REPS2: variants seen among roughly 807,000 people sequenced by gnomAD.
REPS2 encodes ralBP1-associated Eps domain-containing protein 2.
REPS2 carries 23 observed loss-of-function variants against 53.6 expected under a neutral mutation model. That is an observed-to-expected ratio of 0.43 (90% CI 0.31 to 0.61). REPS2 has a LOEUF of 0.61. Among genes scored for constraint, REPS2 ranks in the 20% least tolerant of loss-of-function variants. The probability of loss-of-function intolerance (pLI) is 0.11; values close to 1 mark genes in which losing one functional copy is unlikely to be tolerated. For synonymous variants in REPS2, 238 were observed against 218.6 expected (o/e 1.09, Z -0.78); for missense variants, 446 against 534.9 (o/e 0.83, Z 1.64).
At chrX:17,090,194 T>C (rs1439315630) in intron 13 of REPS2, among the ~76,000 whole-genome samples, 1 of 112,237 alleles carries the variant, frequency 8.9e-6, no homozygotes, top group Admixed American at 9.5e-5. Context: ...AGATATTGTG[T>C]TAGTCTGTTT....
At chrX:16,947,864 G>A (rs2060460335) in intron 1 of REPS2, among the ~76,000 whole-genome samples, 1 of 111,487 alleles carries the variant, frequency 9.0e-6, no homozygotes, top group Non-Finnish European at 1.9e-5. Context: ...AAAGGTAAGG[G>A]ATGTCATAGC....
chrX:16,986,566 T>C (rs1188851773), intron 1 of REPS2, among the ~76,000 whole-genome samples: 3 of 111,462 alleles, frequency 2.7e-5, no homozygotes, highest in Non-Finnish European at 5.6e-5. Context: ...CAGGCATCAT[T>C]TGGGGGAGCA....
intron 1 of REPS2, among the ~76,000 whole-genome samples, chrX:16,968,913 C>A (rs2060831109): frequency 9.1e-6 from 1 of 109,934 alleles, no homozygotes; most frequent in African/African-American, 3.3e-5. Flanking sequence ...GGTGGAGGGG[C>A]TCCTCACTTC....
intron 14 of REPS2, among the ~76,000 whole-genome samples, chrX:17,132,903 C>T (rs970639270): frequency 2.7e-5 from 3 of 112,261 alleles, no homozygotes; most frequent in Non-Finnish European, 5.6e-5. Context: ...GTTCCGTGTG[C>T]TAACAACATG....
At chrX:17,066,313 G>A (rs1041272057) in intron 9 of REPS2, among the ~76,000 whole-genome samples, 2 of 112,317 alleles carry the variant, frequency 1.8e-5, no homozygotes, top group Admixed American at 9.4e-5. Context: ...GACAAAGATT[G>A]CATTGAATTT....
At position 17,077,269 on chromosome X, in the gene REPS2, A is replaced by G; in HGVS notation, c.1380-2A>G. On this transcript the variant is annotated splice_acceptor_variant, in intron 12 of 17. Transcript: ENST00000357277. LOFTEE classifies it high-confidence loss of function. Reference sequence around the variant, plus strand: ...TTCTGACCTTCCCTTATTTTGCTACAGATCTTACTCTAGCACCTCCATAGA... The same window carrying G: ...TTCTGACCTTCCCTTATTTTGCTACGGATCTTACTCTAGCACCTCCATAGA... 8.5e-7 allele frequency: 1 copy of G among 1,173,054 alleles called. No homozygotes were observed. Among genetic ancestry groups the G allele is most frequent in the Non-Finnish European group, 1.1e-6 (1 of 878,194 alleles).
chrX:17,061,098 A>G (rs1301574924), intron 8 of REPS2, among the ~76,000 whole-genome samples: 1 of 111,876 alleles, frequency 8.9e-6, no homozygotes, highest in African/African-American at 3.3e-5. Flanking sequence ...CATCAGTCAT[A>G]TAATACCAGT....
intron 1 of REPS2, among the ~76,000 whole-genome samples, chrX:16,976,977 C>A (rs981209739): frequency 3.6e-5 from 4 of 111,639 alleles, no homozygotes; most frequent in Non-Finnish European, 7.5e-5. Flanking sequence ...GACACCAGGA[C>A]AAGCCTGAGT....
At chrX:17,052,232 C>A (rs112897544) in intron 6 of REPS2, 150 bp from the exon 7 acceptor site, 5 of 378,046 alleles carry the variant, frequency 1.3e-5, no homozygotes, top group African/African-American at 1.0e-4. Flanking sequence ...CTTTTGGTCC[C>A]ATGATTCATA....
intron 9 of REPS2, among the ~76,000 whole-genome samples, chrX:17,065,398 A>G (rs1403917997): frequency 8.9e-6 from 1 of 111,975 alleles, no homozygotes; most frequent in Non-Finnish European, 1.9e-5. Context: ...TTGTGTGCTT[A>G]TTAGCCATTT....
At chrX:17,053,515 A>C (rs2062029548) in intron 7 of REPS2, among the ~76,000 whole-genome samples, 1 of 109,342 alleles carries the variant, frequency 9.1e-6, no homozygotes, top group Non-Finnish European at 1.9e-5. Flanking sequence ...CTAGCTTTTC[A>C]TTTTTTTCTA....
At position 17,010,300 on chromosome X, in the gene REPS2, A is replaced by G. The variant is rs111368970; in HGVS notation, c.397+3956A>G. ...CTATTGTACTTTTTTCTAAGATGAA[A>G]GTATTTGCATTGCCGTCAGACAAGA... is the stretch of plus-strand genomic sequence containing the variant. On this transcript the variant is annotated intron_variant, in intron 2 of 17. Transcript: ENST00000357277. 5.0e-3 allele frequency among the ~76,000 whole-genome samples: 564 copies of G among 112,542 alleles called. 3 individuals are homozygous for G. Among genetic ancestry groups the G allele is most frequent in the African/African-American group, 0.017 (540 of 31,002 alleles).
Position 17,103,754 on chromosome X carries a change from T to C in REPS2, c.1553T>C (p.Leu518Pro). The change falls in exon 14 of 18, where the codon CTC becomes CCC. Residue 518 changes from leucine (L) to proline (P), a missense_variant. Transcript: ENST00000357277. The stretch of plus-strand genomic sequence containing the variant: ...GGATTGTTACCCCCACCACCTGCGC[T>C]CCCTCCAAGACCTTGTCCATCACAG... ...KSGLLPPPPA[L>P]PPRPCPSQSE... 1.7e-6 allele frequency: 2 copies of C among 1,208,469 alleles called. No individual in the cohort carries two copies. Among genetic ancestry groups the C allele is most frequent in the Non-Finnish European group, 2.2e-6 (2 of 892,804 alleles).
intron 1 of REPS2, among the ~76,000 whole-genome samples, chrX:16,995,167 G>A (rs891827797): frequency 2.7e-5 from 3 of 112,138 alleles, no homozygotes; most frequent in Non-Finnish European, 5.6e-5. Context: ...GATGTGTGCT[G>A]ATAGCCATTT....
chrX:17,113,649 T>C (rs2063008266), intron 14 of REPS2, among the ~76,000 whole-genome samples: 1 of 111,207 alleles, frequency 9.0e-6, no homozygotes. Flanking sequence ...AAAACTATTC[T>C]CAAATAGTTC....
At chrX:16,968,772 C>T (rs769071430) in intron 1 of REPS2, among the ~76,000 whole-genome samples, 76 of 100,442 alleles carry the variant, frequency 7.6e-4, no homozygotes, top group African/African-American at 2.2e-3. Context: ...TAGGGGCGGC[C>T]GGGCAGAGGC....
At chrX:17,012,837 T>G (rs760845165) in intron 2 of REPS2, among the ~76,000 whole-genome samples, 55 of 112,355 alleles carry the variant, frequency 4.9e-4, no homozygotes, top group Non-Finnish European at 3.8e-4. Context: ...GGTAAAATTC[T>G]TGACGAGATA....
At chrX:17,043,211 A>G (rs2061857254) in intron 5 of REPS2, among the ~76,000 whole-genome samples, 1 of 111,435 alleles carries the variant, frequency 9.0e-6, no homozygotes, top group Non-Finnish European at 1.9e-5. Flanking sequence ...CTTAGTGCAA[A>G]CCAGTAGAAG....
intron 13 of REPS2, among the ~76,000 whole-genome samples, chrX:17,093,714 G>T (rs192794726): frequency 6.1e-4 from 68 of 111,009 alleles, no homozygotes; most frequent in African/African-American, 2.0e-3. Flanking sequence ...TTATAATTTT[G>T]GTTAGATTAA....
Sources: allele counts gnomAD v4.1 joint callset (sites outside exome capture counted in the v4.1 genomes callset), GRCh38; gene constraint gnomAD v4.1.1; transcripts MANE v1.5; gene names NCBI Gene and HGNC (gene_info 2026-07-23, HGNC 2026-07-21).